KLHL13: variants seen among roughly 807,000 people sequenced by gnomAD.
The protein encoded by KLHL13 is kelch like family member 13.
A neutral mutation model predicts 37.1 loss-of-function variants in KLHL13; 10 were observed. That is an observed-to-expected ratio of 0.27 (90% CI 0.17 to 0.46). KLHL13 has a LOEUF of 0.46. Among genes scored for constraint, KLHL13 ranks in the 20% least tolerant of loss-of-function variants. The probability of loss-of-function intolerance (pLI) is 1.00; values close to 1 mark genes in which losing one functional copy is unlikely to be tolerated. For missense variants in KLHL13, 360 were observed against 509.3 expected (o/e 0.71, Z 2.82); for synonymous variants, 163 against 181.2 (o/e 0.90, Z 0.81).
intron 1 of KLHL13, among the ~76,000 whole-genome samples, chrX:117,970,878 T>C (rs1292304955): frequency 8.9e-6 from 1 of 111,826 alleles, no homozygotes; most frequent in South Asian, 3.7e-4. Context: ...GTCAAAATAG[T>C]CTGTTACAAT....
intron 1 of KLHL13, among the ~76,000 whole-genome samples, chrX:118,041,435 G>A (rs920063361): frequency 9.0e-5 from 10 of 111,202 alleles, no homozygotes; most frequent in African/African-American, 2.9e-4. Flanking sequence ...GTTGAGGTGG[G>A]TGGATCACTT....
rs1013577269 is a variant in KLHL13 at position 117,915,169 on chromosome X, T to TA, written c.570+4351dup. ...GCCCTCAAAAGTGAAAAAAAAATCT[T>TA]AAAAAACATGTCTGTTAATCTTTAC... On this transcript the variant is annotated intron_variant, in intron 4 of 6. Coordinates refer to ENST00000262820, the Ensembl canonical transcript of KLHL13. Among the ~76,000 whole-genome samples the TA allele has an allele frequency of 4.5e-5, 5 of 111,993 alleles. No homozygotes were observed. In the Admixed American group the frequency reaches 4.7e-4, roughly 11 times the overall value.
Position 118,057,631 on chromosome X carries a change from T to G in KLHL13, c.-56+58877A>C, listed in dbSNP as rs6646055. On this transcript the variant is annotated intron_variant, in intron 1 of 6. Coordinates refer to the KLHL13 transcript ENST00000371882. ...GTCAGAAGATCGAGACCATCCTGGC[T>G]AACACAGTGAAACCCCCATTTCTAC... Among the ~76,000 whole-genome samples, 919 of 110,884 alleles carry G rather than the reference T, an allele frequency of 8.3e-3. 8 individuals are homozygous for G. Among genetic ancestry groups the G allele is most frequent in the African/African-American group, 0.027 (821 of 30,459 alleles).
At chrX:118,069,109 T>TCTCACA (rs2054825820) in intron 1 of KLHL13, among the ~76,000 whole-genome samples, 1 of 84,005 alleles carries the variant, frequency 1.2e-5, no homozygotes, top group South Asian at 5.7e-4. Flanking sequence ...TCCAGAAGAG[T>TCTCACA]CACACACACA....
At chrX:117,955,988 G>A (rs2147842239) in intron 1 of KLHL13, among the ~76,000 whole-genome samples, 1 of 111,141 alleles carries the variant, frequency 9.0e-6, no homozygotes, top group African/African-American at 3.3e-5. Context: ...ACTGGTTCCT[G>A]GTTTTTCACC....
intron 1 of KLHL13, among the ~76,000 whole-genome samples, chrX:118,025,753 A>G (rs1487605196): frequency 8.9e-6 from 1 of 112,122 alleles, no homozygotes; most frequent in Admixed American, 9.5e-5. Flanking sequence ...ATTAATTTTT[A>G]AAAAACACAT....
intron 1 of KLHL13, 44 bp from the exon 3 acceptor site, chrX:117,945,619 G>C: frequency 9.2e-7 from 1 of 1,084,873 alleles, no homozygotes; most frequent in Non-Finnish European, 1.3e-6. Context: ...ATTAAAACTT[G>C]TACAATTTAC....
At chrX:117,908,395 C>A (rs1005991704) in intron 5 of KLHL13, among the ~76,000 whole-genome samples, 1 of 108,491 alleles carries the variant, frequency 9.2e-6, no homozygotes. Flanking sequence ...CCTCCCCTAG[C>A]CCCCCAACCC....
chrX:118,113,877 C>T lies in KLHL13; in HGVS notation c.-56+2631G>A, dbSNP rs138967813. Among the ~76,000 whole-genome samples the T allele has an allele frequency of 3.1e-3, 348 of 112,441 alleles. 4 individuals carry two copies. The highest frequency in any genetic ancestry group is 0.011 in the African/African-American group (327 of 31,005). ...ATAAGGTTTATCATTGTGCCTAACA[C>T]AGGGCCTTGGCACACAAGTACCCAG... On this transcript the variant is annotated intron_variant, in intron 1 of 6. Transcript: ENST00000371882.
chrX:117,966,262 A>T (rs2053427419), intron 1 of KLHL13, among the ~76,000 whole-genome samples: 1 of 111,846 alleles, frequency 8.9e-6, no homozygotes, highest in African/African-American at 3.3e-5. Context: ...CTTATACACC[A>T]ATAACAGAAA....
In KLHL13 at chrX:117,945,595, A is replaced by T; in HGVS notation, c.99-20T>A. 1.7e-6 allele frequency: 2 copies of T among 1,165,869 alleles called. No individual in the cohort carries two copies. The highest frequency in any genetic ancestry group is 2.3e-6 in the Non-Finnish European group (2 of 860,537). On this transcript the variant is annotated intron_variant, in intron 1 of 6. Coordinates refer to ENST00000262820, the Ensembl canonical transcript of KLHL13. ...AGAGATCTGAAAGTTTTTTTACATAAGAAAGAAGGGGAAATTAAAACTTGT... is the reference window on the plus strand; with the variant it reads ...AGAGATCTGAAAGTTTTTTTACATATGAAAGAAGGGGAAATTAAAACTTGT...
intron 1 of KLHL13, among the ~76,000 whole-genome samples, chrX:118,114,016 G>A (rs754343824): frequency 1.8e-5 from 2 of 111,902 alleles, no homozygotes; most frequent in Admixed American, 9.5e-5. Flanking sequence ...TTTTCTCTAG[G>A]GCTATTCATT....
rs747865766 is a variant in KLHL13 at position 118,062,067 on chromosome X, A to G, written c.-56+54441T>C. ...CCATCCTCTCTATTTCTCATCACCT[A>G]GAGAAGAATTTGGTCATCAAGGTCT... On this transcript the variant is annotated intron_variant, in intron 1 of 6. Coordinates refer to the KLHL13 transcript ENST00000371882. Among the ~76,000 whole-genome samples, 18 of 111,047 alleles carry G rather than the reference A, an allele frequency of 1.6e-4. No individual in the cohort carries two copies. In the South Asian group the frequency reaches 5.7e-3, roughly 35 times the overall value.
At chrX:117,967,460 A>C (rs1374760268) in intron 1 of KLHL13, among the ~76,000 whole-genome samples, 1 of 111,307 alleles carries the variant, frequency 9.0e-6, no homozygotes, top group East Asian at 2.8e-4. Flanking sequence ...AAATATTCTA[A>C]GTTTCAAGCA....
At chrX:117,980,438 G>T (rs1225438700) in intron 1 of KLHL13, among the ~76,000 whole-genome samples, 1 of 111,469 alleles carries the variant, frequency 9.0e-6, no homozygotes, top group Non-Finnish European at 1.9e-5. Flanking sequence ...CTTGAAAAAT[G>T]TATATTTACA....
At chrX:118,005,304 T>C (rs1218082797) in intron 1 of KLHL13, among the ~76,000 whole-genome samples, 1 of 111,677 alleles carries the variant, frequency 9.0e-6, no homozygotes, top group African/African-American at 3.3e-5. Flanking sequence ...CAAAGATTTG[T>C]GATAAATATT....
intron 1 of KLHL13, among the ~76,000 whole-genome samples, chrX:118,092,265 AC>A (rs2055145591): frequency 8.9e-6 from 1 of 112,021 alleles, no homozygotes; most frequent in Non-Finnish European, 1.9e-5. Flanking sequence ...TCATAATCAA[AC>A]TTTTGAAAGT....
At chrX:117,907,705 A>G (rs1930641907) in intron 5 of KLHL13, among the ~76,000 whole-genome samples, 1 of 111,369 alleles carries the variant, frequency 9.0e-6, no homozygotes, top group African/African-American at 3.3e-5. Flanking sequence ...TTATTAAAAT[A>G]TATTGGAAAA....
At chrX:117,904,986 G>A (rs1446864580) in intron 5 of KLHL13, among the ~76,000 whole-genome samples, 4 of 111,160 alleles carry the variant, frequency 3.6e-5, no homozygotes, top group East Asian at 5.7e-4. Context: ...ATCCAGAATC[G>A]GTCCCAGAAG....
Sources: gnomAD v4.1 joint callset for allele counts (sites outside exome capture counted in the v4.1 genomes callset) on GRCh38, gnomAD v4.1.1 for gene constraint, MANE v1.5 for transcripts, NCBI Gene and HGNC (gene_info 2026-07-23, HGNC 2026-07-21) for gene names.